Variants in C1orf105 observed in about 807,000 individuals in gnomAD.
The protein encoded by C1orf105 is chromosome 1 open reading frame 105.
In C1orf105, 17 loss-of-function variants were observed where a neutral mutation model predicts 20.8. That is an observed-to-expected ratio of 0.82 (90% CI 0.56 to 1.23). C1orf105 has a LOEUF of 1.23. C1orf105 is among the 50% of genes most tolerant of loss of function. The pLI is 0.00. For missense variants in C1orf105, 219 were observed against 213.5 expected, an observed-to-expected ratio of 1.03 and a Z score of -0.16; for synonymous variants, 72 against 72.1, an observed-to-expected ratio of 1.00 and a Z score of 0.01.
chr1:172,434,195 C>A (rs572120136), intron 1 of C1orf105, among the ~76,000 whole-genome samples: 2 of 152,140 alleles, frequency 1.3e-5, no homozygotes, highest in African/African-American at 4.8e-5. Context: ...GACAGATTAA[C>A]GAGACAAAAT....
intron 1 of C1orf105, among the ~76,000 whole-genome samples, chr1:172,440,263 A>G (rs555244285): frequency 2.0e-5 from 3 of 152,386 alleles, no homozygotes; most frequent in South Asian, 4.1e-4. Context: ...TACCACAGGA[A>G]TAACCAGCTA....
At chr1:172,456,522 G>C in intron 4 of C1orf105, 33 bp downstream of exon 4, 1 of 1,592,310 alleles carries the variant, frequency 6.3e-7, no homozygotes, top group Non-Finnish European at 8.6e-7. Flanking sequence ...ATGGGCACAG[G>C]CATCTCAGGG....
chr1:172,451,824 TG>T (rs1648672873), intron 3 of C1orf105, among the ~76,000 whole-genome samples: 1 of 151,286 alleles, frequency 6.6e-6, no homozygotes, highest in African/African-American at 2.4e-5. Flanking sequence ...GCACTACTTT[TG>T]GGATTCTATG....
chr1:172,427,027 T>A (rs1458376841), intron 1 of C1orf105, among the ~76,000 whole-genome samples: 2 of 152,182 alleles, frequency 1.3e-5, no homozygotes, highest in African/African-American at 4.8e-5. Flanking sequence ...ATCACCACCA[T>A]ATTCAAGTGA....
chr1:172,462,283 T>A, intron 5 of C1orf105, 38 bp downstream of exon 5: 1 of 1,447,246 alleles, frequency 6.9e-7, no homozygotes, highest in Non-Finnish European at 9.6e-7. Context: ...GACTTAATTC[T>A]TGTTATGTCT....
rs571795458 is a variant in C1orf105, at chr1:172,454,238, A to C, written c.199-2177A>C. Among the ~76,000 whole-genome samples, 3 of 152,108 alleles carry C rather than the reference A, an allele frequency of 2.0e-5. No individual in the cohort carries two copies. In the East Asian group the frequency reaches 5.8e-4, roughly 29 times the overall value. On this transcript the variant is annotated intron_variant, in intron 3 of 6. Transcript: ENST00000367727. ...AGGTCTTCCTCATCCCTTCAGACTG[A>C]GTACAAATTCCACTTCTAGGAAGCC...
intron 1 of C1orf105, among the ~76,000 whole-genome samples, chr1:172,439,227 T>A (rs1037146481): frequency 6.6e-6 from 1 of 152,222 alleles, no homozygotes; most frequent in Non-Finnish European, 1.5e-5. Context: ...CACTTATATA[T>A]GATTTATCTA....
chr1:172,455,196 T>C (rs189919226), intron 3 of C1orf105, among the ~76,000 whole-genome samples: 2 of 152,320 alleles, frequency 1.3e-5, no homozygotes, highest in East Asian at 3.9e-4. Context: ...TGTTAACAGT[T>C]TTTAGCCCTC....
chr1:172,465,738 C>T (rs551716680), intron 6 of C1orf105: 14 of 458,650 alleles, frequency 3.1e-5, no homozygotes, highest in Admixed American at 4.7e-5. Flanking sequence ...ACCCTCAGAG[C>T]GGCCTCACCA....
intron 3 of C1orf105, chr1:172,451,027 A>C (rs1195853131): frequency 6.6e-6 from 1 of 152,276 alleles, no homozygotes; most frequent in Non-Finnish European, 1.5e-5. Flanking sequence ...CGACTCCTCA[A>C]GATGCTGAGA....
chr1:172,428,645 G>C, intron 1 of C1orf105: 1 of 490,336 alleles, frequency 2.0e-6, no homozygotes, highest in Non-Finnish European at 3.6e-6. Context: ...TTTCCCATGA[G>C]ACCTACTCTG....
chr1:172,423,488 C>T (rs1055989254), intron 1 of C1orf105, among the ~76,000 whole-genome samples: 4 of 152,230 alleles, frequency 2.6e-5, no homozygotes, highest in East Asian at 3.9e-4. Flanking sequence ...TCATAACACC[C>T]AAGTCCCTTC....
chr1:172,432,947 TGG>T (rs2071918018), intron 1 of C1orf105, among the ~76,000 whole-genome samples: 1 of 152,170 alleles, frequency 6.6e-6, no homozygotes, highest in Non-Finnish European at 1.5e-5. Context: ...CTGAAAACCA[TGG>T]TACGAGAACT....
At chr1:172,444,160 G>C in intron 1 of C1orf105, 1 of 987,660 alleles carries the variant, frequency 1.0e-6, no homozygotes, top group Non-Finnish European at 1.2e-6. Context: ...GCCCCCTCCT[G>C]GCTGCTCGAA....
chr1:172,464,098 G>A (rs1275946593), intron 5 of C1orf105, among the ~76,000 whole-genome samples: 1 of 152,078 alleles, frequency 6.6e-6, no homozygotes, highest in Non-Finnish European at 1.5e-5. Context: ...AGCCATTGCA[G>A]GAATTAAAAT....
At chr1:172,442,697 A>G in intron 1 of C1orf105, 1 of 1,319,236 alleles carries the variant, frequency 7.6e-7, no homozygotes, top group Admixed American at 2.0e-5. Context: ...TTCTTTATGA[A>G]GTTTTGAAAT....
chr1:172,422,862 G>A (rs1268216422), intron 1 of C1orf105, among the ~76,000 whole-genome samples: 1 of 152,158 alleles, frequency 6.6e-6, no homozygotes, highest in African/African-American at 2.4e-5. Context: ...CTCCTCATGG[G>A]CCTGTGGTGG....
At chr1:172,443,986 A>G in intron 1 of C1orf105, 2 of 1,000,012 alleles carry the variant, frequency 2.0e-6, no homozygotes, top group South Asian at 9.4e-5. Context: ...GAACCCACCT[A>G]CCCGAGAGTT....
chr1:172,449,698 A>G (rs1648396732), intron 3 of C1orf105, among the ~76,000 whole-genome samples: 1 of 152,216 alleles, frequency 6.6e-6, no homozygotes, highest in Non-Finnish European at 1.5e-5. Flanking sequence ...TTCAGGGTCC[A>G]AGCTTTGCTT....
Sources: allele counts gnomAD v4.1 joint callset (sites outside exome capture counted in the v4.1 genomes callset), GRCh38; gene constraint gnomAD v4.1.1; transcripts MANE v1.5; gene names NCBI Gene and HGNC (gene_info 2026-07-23, HGNC 2026-07-21).